Variants in PTPRE observed in about 807,000 individuals in gnomAD.
PTPRE encodes the protein protein tyrosine phosphatase receptor type E.
Under a neutral mutation model 102.0 loss-of-function variants are expected in PTPRE, and 51 were observed. The ratio of observed to expected loss-of-function variants is 0.50; its 90% CI spans 0.40 to 0.63. The LOEUF (loss-of-function observed/expected upper bound fraction) is 0.63. Among genes scored for constraint, PTPRE ranks in the 30% least tolerant of loss-of-function variants. The pLI is 0.00. For synonymous variants in PTPRE, 345 were observed against 348.2 expected (o/e 0.99, Z 0.10); for missense variants, 752 against 915.1 (o/e 0.82, Z 2.30).
intron 1 of PTPRE, among the ~76,000 whole-genome samples, chr10:127,945,365 C>T (rs1356823175): frequency 6.6e-6 from 1 of 152,228 alleles, no homozygotes; most frequent in East Asian, 1.9e-4. Context: ...CTGTGCCTGA[C>T]CTCATATCTG....
rs1849117885 is a variant in PTPRE, at chr10:127,952,631, T to C, written c.-30-29643T>C. Among the ~76,000 whole-genome samples, 5 of 152,170 alleles carry C rather than the reference T, an allele frequency of 3.3e-5. No homozygotes were observed. In the South Asian group the frequency reaches 1.0e-3, roughly 32 times the overall value. On this transcript the variant is annotated intron_variant, in intron 1 of 20. Coordinates refer to ENST00000254667, the MANE Select transcript of PTPRE (RefSeq NM_006504.6). ...GATGTCCAGGAAGATTGTAAACCCATAGTACTCAGCCTATAGGGAACCGGG... is the reference window on the plus strand; with the variant it reads ...GATGTCCAGGAAGATTGTAAACCCACAGTACTCAGCCTATAGGGAACCGGG...
chr10:127,990,888 C>T (rs1482133788), intron 2 of PTPRE, among the ~76,000 whole-genome samples: 8 of 152,166 alleles, frequency 5.3e-5, no homozygotes, highest in Admixed American at 5.2e-4. Context: ...AATGTTGCTT[C>T]TATTCAGGAA....
chr10:127,959,014 G>A (rs1466867184), intron 1 of PTPRE, among the ~76,000 whole-genome samples: 6 of 150,688 alleles, frequency 4.0e-5, no homozygotes, highest in African/African-American at 7.3e-5. Flanking sequence ...CTCCCATCTC[G>A]GCCTCCCGAA....
chr10:127,931,293 C>T (rs1022021059), intron 1 of PTPRE, among the ~76,000 whole-genome samples: 1 of 152,070 alleles, frequency 6.6e-6, no homozygotes, highest in East Asian at 1.9e-4. Context: ...GTTGTTAATG[C>T]TATATATTTT....
intron 1 of PTPRE, among the ~76,000 whole-genome samples, chr10:127,974,207 T>C (rs1173247962): frequency 6.6e-6 from 1 of 152,194 alleles, no homozygotes; most frequent in African/African-American, 2.4e-5. Flanking sequence ...AGCAGTGATT[T>C]ATTGGGTCCA....
chr10:127,956,098 A>C (rs1247233776), intron 1 of PTPRE, among the ~76,000 whole-genome samples: 4 of 152,166 alleles, frequency 2.6e-5, no homozygotes, highest in African/African-American at 9.7e-5. Flanking sequence ...TGTCAGGTGA[A>C]ACTATTACCT....
chr10:128,074,534 C>T (rs1028660082), intron 17 of PTPRE, among the ~76,000 whole-genome samples: 7 of 152,114 alleles, frequency 4.6e-5, no homozygotes, highest in Admixed American at 2.0e-4. Context: ...GGCATGGTGG[C>T]GGGAACCTGC....
intron 2 of PTPRE, among the ~76,000 whole-genome samples, chr10:127,994,420 G>C (rs932227242): frequency 6.6e-6 from 1 of 152,142 alleles, no homozygotes; most frequent in African/African-American, 2.4e-5. Context: ...CCAGTATTTG[G>C]AACTGTGGTA....
intron 1 of PTPRE, among the ~76,000 whole-genome samples, chr10:127,950,328 A>T (rs1472136158): frequency 2.0e-5 from 3 of 151,976 alleles, no homozygotes; most frequent in Non-Finnish European, 4.4e-5. Flanking sequence ...AGTTTGTTTT[A>T]TTGGTTGGCT....
rs1852959498 is a variant in PTPRE at position 127,993,839 on chromosome 10, A to T, written c.-8+11543A>T. On this transcript the variant is annotated intron_variant, in intron 2 of 20. Coordinates refer to ENST00000254667, the MANE Select transcript of PTPRE (RefSeq NM_006504.6). ...ATGTCACATTCCCCCAGGCACTAGG[A>T]TACTCTCACTGCCTTCAACTGGGCA... 2.0e-5 allele frequency among the ~76,000 whole-genome samples: 3 copies of T among 151,798 alleles called. No homozygotes were observed. In the South Asian group the frequency reaches 6.2e-4, roughly 32 times the overall value.
rs186588373 is a variant in PTPRE at position 128,043,609 on chromosome 10, G to C, written c.109+2619G>C. Among the ~76,000 whole-genome samples the C allele has an allele frequency of 2.7e-3, 418 of 152,342 alleles. 2 individuals are homozygous for C. The highest frequency in any genetic ancestry group is 9.4e-3 in the African/African-American group (392 of 41,568). On this transcript the variant is annotated intron_variant, in intron 3 of 20. Coordinates refer to ENST00000254667, the MANE Select transcript of PTPRE (RefSeq NM_006504.6). ...TTGGGGCTGCCATCTTGGCAATTGT[G>C]TTAAAATGTAACAGGCGTACAGGCT...
chr10:127,911,275 A>G (rs2135128626), intron 1 of PTPRE, among the ~76,000 whole-genome samples: 1 of 152,350 alleles, frequency 6.6e-6, no homozygotes, highest in Non-Finnish European at 1.5e-5. Flanking sequence ...TTTTAATCCC[A>G]TAATGTTATC....
intron 1 of PTPRE, among the ~76,000 whole-genome samples, chr10:127,930,009 C>A (rs1416676793): frequency 6.7e-6 from 1 of 148,750 alleles, no homozygotes; most frequent in Non-Finnish European, 1.5e-5. Context: ...TTGCAGTGAG[C>A]CGAGATCACA....
chr10:128,056,823 G>A (rs944926876), intron 7 of PTPRE, among the ~76,000 whole-genome samples: 3 of 152,016 alleles, frequency 2.0e-5, no homozygotes, highest in Non-Finnish European at 2.9e-5. Flanking sequence ...GGTGCGTCTC[G>A]GTGACCTGCT....
chr10:127,999,432 C>A, intron 2 of PTPRE: 2 of 502,686 alleles, frequency 4.0e-6, no homozygotes, highest in Non-Finnish European at 5.1e-6. Flanking sequence ...ATCGACATTG[C>A]TCGTTGTCCT....
At chr10:128,022,390 A>C (rs1845966928) in intron 2 of PTPRE, among the ~76,000 whole-genome samples, 1 of 152,246 alleles carries the variant, frequency 6.6e-6, no homozygotes, top group South Asian at 2.1e-4. Context: ...TGAAGGGGGA[A>C]TCCCAAGGCC....
At chr10:128,006,936 A>G (rs1407248916) in intron 2 of PTPRE, among the ~76,000 whole-genome samples, 1 of 152,208 alleles carries the variant, frequency 6.6e-6, no homozygotes, top group Non-Finnish European at 1.5e-5. Flanking sequence ...AGTTTGATAC[A>G]GCTCAAGTAC....
chr10:127,984,111 T>G (rs1851879301), intron 2 of PTPRE, among the ~76,000 whole-genome samples: 1 of 147,968 alleles, frequency 6.8e-6, no homozygotes, highest in Admixed American at 6.7e-5. Flanking sequence ...GACAGAGTTT[T>G]CCTCTTGTTA....
intron 2 of PTPRE, among the ~76,000 whole-genome samples, chr10:128,004,246 G>A (rs1399591274): frequency 2.0e-5 from 3 of 151,214 alleles, no homozygotes; most frequent in Non-Finnish European, 4.4e-5. Context: ...ATCCCAAAGC[G>A]CAGTACATGT....
Sources: gnomAD v4.1 joint callset for allele counts (sites outside exome capture counted in the v4.1 genomes callset) on GRCh38, gnomAD v4.1.1 for gene constraint, MANE v1.5 for transcripts, NCBI Gene and HGNC (gene_info 2026-07-23, HGNC 2026-07-21) for gene names.